The following TMEM178B variants were observed in gnomAD, a reference collection of about 807,000 sequenced individuals.
TMEM178B encodes the protein transmembrane protein 178B.
TMEM178B carries 5 observed loss-of-function variants against 31.0 expected under a neutral mutation model. That is an observed-to-expected ratio of 0.16 (90% CI 0.08 to 0.34). TMEM178B has a LOEUF of 0.34. TMEM178B is among the 10% of genes least tolerant of loss of function. The pLI is 1.00. For synonymous variants in TMEM178B, 164 were observed against 164.0 expected, an observed-to-expected ratio of 1.00 and a Z score of 0.00; for missense variants, 275 against 400.3, an observed-to-expected ratio of 0.69 and a Z score of 2.67.
intron 2 of TMEM178B, among the ~76,000 whole-genome samples, chr7:141,433,097 C>A (rs1347055431): frequency 6.6e-6 from 1 of 152,208 alleles, no homozygotes; most frequent in Non-Finnish European, 1.5e-5. Context: ...CAGTACAATA[C>A]CCTGACCCTC....
At chr7:141,439,083 A>C (rs1801608920) in intron 3 of TMEM178B, among the ~76,000 whole-genome samples, 1 of 152,046 alleles carries the variant, frequency 6.6e-6, no homozygotes, top group South Asian at 2.1e-4. Flanking sequence ...CTGCAGGTCA[A>C]GCTGGGGACA....
In TMEM178B at chr7:141,151,659, G is replaced by A. The variant is rs141130778; in HGVS notation, c.383-60932G>A. On this transcript the variant is annotated intron_variant, in intron 1 of 3. Transcript: ENST00000565468. ...TCTCTCTCTGCACAAGGAGAATCAG[G>A]ACCTCAGTGGGAGGGGAAGGCCATG... Among the ~76,000 whole-genome samples, 142 of 152,270 alleles carry A rather than the reference G, an allele frequency of 9.3e-4. 1 individual carries two copies. The highest frequency in any genetic ancestry group is 1.5e-3 in the Non-Finnish European group (103 of 68,016).
chr7:141,296,331 G>A (rs765361507), intron 2 of TMEM178B, among the ~76,000 whole-genome samples: 4 of 152,196 alleles, frequency 2.6e-5, no homozygotes, highest in African/African-American at 4.8e-5. Context: ...GCCTCCCAAA[G>A]TGCTGGGATT....
the TMEM178B span, among the ~76,000 whole-genome samples, chr7:141,500,422 G>A: frequency 6.6e-6 from 1 of 152,170 alleles, no homozygotes; most frequent in South Asian, 2.1e-4. Context: ...ACCTTTCTAA[G>A]TTGAAAGAAA....
rs1412676849 is a variant in TMEM178B at position 141,476,276 on chromosome 7, C to G, written c.*5490C>G. Reference sequence around the variant, plus strand: ...GAAATTGGCTCCTTATTTTTCTTTACCTATTCCTAGACTTCCTTTTGTCTA... The same window carrying G: ...GAAATTGGCTCCTTATTTTTCTTTAGCTATTCCTAGACTTCCTTTTGTCTA... On this transcript the variant is annotated 3_prime_UTR_variant, in exon 4 of 4. Coordinates refer to ENST00000565468, the MANE Select transcript of TMEM178B (RefSeq NM_001195278.2). 1 of 152,124 alleles carries G rather than the reference C, an allele frequency of 6.6e-6. No individual in the cohort carries two copies. Among genetic ancestry groups the G allele is most frequent in the Non-Finnish European group, 1.5e-5 (1 of 68,016 alleles). 9.4% of individuals were successfully genotyped at this position (152,124 alleles called of 1,614,324 possible). A position where few individuals can be genotyped will look rare whatever the true frequency, so the allele number is the denominator to read the frequency against.
chr7:141,162,156 G>T (rs1026059220), intron 1 of TMEM178B, among the ~76,000 whole-genome samples: 3 of 152,208 alleles, frequency 2.0e-5, no homozygotes, highest in Admixed American at 1.3e-4. Flanking sequence ...CTGCAGAGAA[G>T]CCTAGAACAA....
chr7:141,167,933 A>G (rs927459690), intron 1 of TMEM178B, among the ~76,000 whole-genome samples: 2 of 152,080 alleles, frequency 1.3e-5, no homozygotes, highest in African/African-American at 4.8e-5. Flanking sequence ...AAAATCTCAT[A>G]ATCATTTGGC....
chr7:141,161,030 T>C (rs563764521), intron 1 of TMEM178B, among the ~76,000 whole-genome samples: 1 of 152,194 alleles, frequency 6.6e-6, no homozygotes, highest in South Asian at 2.1e-4. Context: ...GCTAATTTTG[T>C]ATTTTTAGTA....
intron 2 of TMEM178B, among the ~76,000 whole-genome samples, chr7:141,322,529 C>T (rs575262980): frequency 3.1e-4 from 47 of 152,060 alleles, no homozygotes; most frequent in Non-Finnish European, 5.0e-4. Context: ...AGCAAGATTC[C>T]GTTTTAAAAA....
At chr7:141,264,841 A>G (rs541797474) in intron 2 of TMEM178B, among the ~76,000 whole-genome samples, 1 of 152,302 alleles carries the variant, frequency 6.6e-6, no homozygotes, top group East Asian at 1.9e-4. Flanking sequence ...ATGGGAGGAA[A>G]TGGACTGTGT....
rs10226805 is a variant in TMEM178B at position 141,468,134 on chromosome 7, T to C, written c.635-2402T>C. ...GTATTTCTTCCTCTGGATCTGGGCT[T>C]TGGCCGATTAAGTTTTATCTTTCTC... On this transcript the variant is annotated intron_variant, in intron 3 of 3. Transcript: ENST00000565468. Among the ~76,000 whole-genome samples, 917 of 152,326 alleles carry C rather than the reference T, an allele frequency of 6.0e-3. 6 individuals are homozygous for C. The highest frequency in any genetic ancestry group is 0.016 in the African/African-American group (659 of 41,562).
At chr7:141,169,499 A>G (rs1215411105) in intron 1 of TMEM178B, among the ~76,000 whole-genome samples, 1 of 152,232 alleles carries the variant, frequency 6.6e-6, no homozygotes, top group Non-Finnish European at 1.5e-5. Flanking sequence ...CACTATTCAC[A>G]ATGAATGTAC....
chr7:141,449,448 ACT>A (rs1801822445), intron 3 of TMEM178B, among the ~76,000 whole-genome samples: 3 of 151,984 alleles, frequency 2.0e-5, no homozygotes, highest in Admixed American at 6.6e-5. Flanking sequence ...GAAGGGGGGC[ACT>A]CTCTGCCCTC....
At chr7:141,363,449 G>T (rs1279593887) in intron 2 of TMEM178B, among the ~76,000 whole-genome samples, 1 of 152,154 alleles carries the variant, frequency 6.6e-6, no homozygotes, top group South Asian at 2.1e-4. Context: ...TGGAGTTGAC[G>T]GAAGTATTTT....
intron 2 of TMEM178B, among the ~76,000 whole-genome samples, chr7:141,424,195 T>C (rs1245355067): frequency 6.6e-6 from 1 of 152,068 alleles, no homozygotes; most frequent in Admixed American, 6.5e-5. Flanking sequence ...TGAGATATAG[T>C]CAGACAACAG....
chr7:141,215,917 T>G (rs1423323209), intron 2 of TMEM178B, among the ~76,000 whole-genome samples: 2 of 149,274 alleles, frequency 1.3e-5, no homozygotes, highest in Non-Finnish European at 3.0e-5. Context: ...TCTTTCTTTT[T>G]TTTTTTTTGA....
chr7:141,236,061 A>G (rs984224321), intron 2 of TMEM178B, among the ~76,000 whole-genome samples: 1 of 152,224 alleles, frequency 6.6e-6, no homozygotes, highest in Non-Finnish European at 1.5e-5. Flanking sequence ...GGACAAGAGA[A>G]CCAGACCAGA....
Position 141,252,765 on chromosome 7 carries a change from A to G in TMEM178B, c.496+40061A>G, listed in dbSNP as rs1470326088. On this transcript the variant is annotated intron_variant, in intron 2 of 3. Coordinates refer to ENST00000565468, the MANE Select transcript of TMEM178B (RefSeq NM_001195278.2). ...GACTGTATGGTACAGTCTCTTACCTAGAAGTCTAGATGTGTTGTTGTCCAA... is the reference window on the plus strand; with the variant it reads ...GACTGTATGGTACAGTCTCTTACCTGGAAGTCTAGATGTGTTGTTGTCCAA... Among the ~76,000 whole-genome samples, 4 of 152,170 alleles carry G rather than the reference A, an allele frequency of 2.6e-5. No individual in the cohort carries two copies. In the East Asian group the frequency reaches 7.7e-4, roughly 29 times the overall value.
At chr7:141,231,467 T>C (rs1164563349) in intron 2 of TMEM178B, among the ~76,000 whole-genome samples, 7 of 152,172 alleles carry the variant, frequency 4.6e-5, no homozygotes, top group Non-Finnish European at 8.8e-5. Context: ...GAAAAAAAAA[T>C]TGCTGATGCC....
Sources: gnomAD v4.1 joint callset for allele counts (sites outside exome capture counted in the v4.1 genomes callset) on GRCh38, gnomAD v4.1.1 for gene constraint, MANE v1.5 for transcripts, NCBI Gene and HGNC (gene_info 2026-07-23, HGNC 2026-07-21) for gene names.